PEMT: variants seen among roughly 807,000 people sequenced by gnomAD.
PEMT encodes the protein phosphatidylethanolamine N-methyltransferase, also known as phospholipid methyltransferase.
In PEMT, 23 loss-of-function variants were observed where a neutral mutation model predicts 27.4. The ratio of observed to expected loss-of-function variants is 0.84; its 90% CI spans 0.60 to 1.19. The LOEUF is 1.19. Among genes scored for constraint, PEMT ranks in the 50% most tolerant of loss-of-function variants. The probability of loss-of-function intolerance (pLI) is 0.00; values close to 1 mark genes in which losing one functional copy is unlikely to be tolerated. For synonymous variants in PEMT, 137 were observed against 139.1 expected (o/e 0.98, Z 0.11); for missense variants, 307 against 310.1 (o/e 0.99, Z 0.07).
At chr17:17,568,852 C>T (rs1597947979) in intron 2 of PEMT, among the ~76,000 whole-genome samples, 1 of 152,162 alleles carries the variant, frequency 6.6e-6, no homozygotes, top group Admixed American at 6.5e-5. Context: ...CCTCTTCCTC[C>T]TCCCAGGAGC....
intron 2 of PEMT, chr17:17,570,692 C>A (rs1333047795): frequency 1.0e-6 from 1 of 985,264 alleles, no homozygotes; most frequent in Non-Finnish European, 1.2e-6. Flanking sequence ...AGAAGGGCCT[C>A]CCGGGACAGG....
intron 2 of PEMT, among the ~76,000 whole-genome samples, chr17:17,571,936 C>T (rs564926285): frequency 3.9e-5 from 6 of 152,296 alleles, no homozygotes; most frequent in African/African-American, 1.4e-4. Context: ...TGGGCTCAAG[C>T]GATCCGCCTG....
rs1912599647 is a variant in PEMT at position 17,591,677 on chromosome 17, C to G, written c.-51G>C. ...CGCGGGCCCCGCTGCAGCCACGCGC[C>G]CCCGGAACCGGACCTATAGAGCCGG... On this transcript the variant is annotated 5_prime_UTR_variant, in exon 1 of 7. Coordinates refer to ENST00000255389, the MANE Select transcript of PEMT (RefSeq NM_148172.3). 1 of 1,575,882 alleles carries G rather than the reference C, an allele frequency of 6.3e-7. No homozygotes were observed. Among genetic ancestry groups the G allele is most frequent in the African/African-American group, 1.4e-5 (1 of 73,658 alleles).
chr17:17,506,099 G>A, intron 6 of PEMT, 128 bp downstream of exon 6: 3 of 993,840 alleles, frequency 3.0e-6, no homozygotes. Context: ...TCTGACCTGG[G>A]AGCCCTGGAG....
intron 4 of PEMT, among the ~76,000 whole-genome samples, chr17:17,510,525 G>C (rs1016549880): frequency 2.0e-5 from 3 of 152,244 alleles, no homozygotes; most frequent in East Asian, 3.8e-4. Context: ...ACACGGGGCA[G>C]GGCCCAGGAC....
chr17:17,538,002 C>T (rs1042500066), intron 2 of PEMT, among the ~76,000 whole-genome samples: 1 of 152,232 alleles, frequency 6.6e-6, no homozygotes, highest in African/African-American at 2.4e-5. Flanking sequence ...CTGGCAAACG[C>T]CCTCCTCAGG....
At chr17:17,548,683 G>A (rs1849553140) in intron 2 of PEMT, among the ~76,000 whole-genome samples, 1 of 152,152 alleles carries the variant, frequency 6.6e-6, no homozygotes, top group Non-Finnish European at 1.5e-5. Flanking sequence ...TGAGTAGCTG[G>A]GATTACAGGC....
At chr17:17,537,091 G>A (rs982334743) in intron 2 of PEMT, among the ~76,000 whole-genome samples, 3 of 152,238 alleles carry the variant, frequency 2.0e-5, no homozygotes, top group African/African-American at 7.2e-5. Flanking sequence ...CAGGCTGGAC[G>A]ATGACAATAC....
intron 2 of PEMT, among the ~76,000 whole-genome samples, chr17:17,551,443 C>T (rs1909645873): frequency 6.6e-6 from 1 of 152,174 alleles, no homozygotes; most frequent in African/African-American, 2.4e-5. Flanking sequence ...CCTCTGAGGC[C>T]CAGCAGGGTG....
At chr17:17,584,702 AG>A (rs1912149179) in intron 1 of PEMT, among the ~76,000 whole-genome samples, 1 of 152,244 alleles carries the variant, frequency 6.6e-6, no homozygotes, top group Admixed American at 6.5e-5. Flanking sequence ...TGTATTTTGA[AG>A]ACAATAGTAA....
At chr17:17,580,973 G>A (rs981883899) in intron 1 of PEMT, among the ~76,000 whole-genome samples, 1 of 152,206 alleles carries the variant, frequency 6.6e-6, no homozygotes, top group African/African-American at 2.4e-5. Context: ...AGAAAGGGCA[G>A]AGTGTGAGTC....
At chr17:17,509,592 GC>G in intron 4 of PEMT, 47 bp from the exon 5 acceptor site, 1 of 1,324,474 alleles carries the variant, frequency 7.6e-7, no homozygotes. Context: ...ATCAGCCCTG[GC>G]CACACCATCA....
chr17:17,587,491 A>G (rs1346392819), intron 1 of PEMT, among the ~76,000 whole-genome samples: 1 of 152,168 alleles, frequency 6.6e-6, no homozygotes, highest in African/African-American at 2.4e-5. Context: ...TAAGGAAAAA[A>G]TAATTCCAAT....
At chr17:17,540,842 G>C (rs1908829120) in intron 2 of PEMT, among the ~76,000 whole-genome samples, 1 of 152,206 alleles carries the variant, frequency 6.6e-6, no homozygotes, top group Non-Finnish European at 1.5e-5. Flanking sequence ...GGGCTCCCGA[G>C]TGCTCCCCTG....
chr17:17,507,607 C>T (rs570663818), intron 5 of PEMT: 16 of 189,068 alleles, frequency 8.5e-5, no homozygotes, highest in East Asian at 6.7e-4. Context: ...TTGCACAACA[C>T]GAAGCAGGAG....
At chr17:17,530,628 A>G (rs1908024561) in intron 2 of PEMT, among the ~76,000 whole-genome samples, 1 of 152,250 alleles carries the variant, frequency 6.6e-6, no homozygotes, top group Non-Finnish European at 1.5e-5. Flanking sequence ...CCTGCCGCAC[A>G]GCCTGAGGAC....
chr17:17,554,988 C>T (rs1279119210), intron 2 of PEMT, among the ~76,000 whole-genome samples: 3 of 152,132 alleles, frequency 2.0e-5, no homozygotes, highest in African/African-American at 7.2e-5. Context: ...AGGCCATGCA[C>T]GGCCTCCACT....
rs1912043533 is a variant in PEMT, at chr17:17,582,739, G to A, written c.97-5712C>T. On this transcript the variant is annotated intron_variant, in intron 1 of 6. Coordinates refer to ENST00000255389, the MANE Select transcript of PEMT (RefSeq NM_148172.3). The surrounding 1 kb of genome is among the most constrained non-coding windows in gnomAD (Gnocchi z 4.9). ...CCCTGTGCCTGGCACAAAGACATAA[G>A]GATGAGTGTGCCAGAGTCTTTTTCC... Among the ~76,000 whole-genome samples, 1 of 152,228 alleles carries A rather than the reference G, an allele frequency of 6.6e-6. No homozygotes were observed. Among genetic ancestry groups the A allele is most frequent in the Admixed American group, 6.5e-5 (1 of 15,280 alleles).
intron 2 of PEMT, among the ~76,000 whole-genome samples, chr17:17,538,029 C>T (rs774835701): frequency 3.0e-4 from 45 of 152,302 alleles, no homozygotes; most frequent in Middle Eastern, 3.4e-3. Flanking sequence ...CAGCTGCTGC[C>T]GGGACCCATG....
Sources: allele counts gnomAD v4.1 joint callset (sites outside exome capture counted in the v4.1 genomes callset), GRCh38; gene constraint gnomAD v4.1.1; non-coding constraint Gnocchi (gnomAD v3.1); transcripts MANE v1.5; gene names NCBI Gene and HGNC (gene_info 2026-07-23, HGNC 2026-07-21).